NR3C2: variants seen among roughly 807,000 people sequenced by gnomAD.
NR3C2 encodes the protein mineralocorticoid receptor.
A neutral mutation model predicts 86.4 loss-of-function variants in NR3C2; 15 were observed. The ratio of observed to expected loss-of-function variants is 0.17; its 90% CI spans 0.12 to 0.27. The LOEUF (loss-of-function observed/expected upper bound fraction) is 0.27. Among genes scored for constraint, NR3C2 ranks in the 10% least tolerant of loss-of-function variants. The probability of loss-of-function intolerance (pLI) is 1.00; values close to 1 mark genes in which losing one functional copy is unlikely to be tolerated. For synonymous variants in NR3C2, 458 were observed against 450.5 expected (o/e 1.02, Z -0.21); for missense variants, 960 against 1,195.6 (o/e 0.80, Z 2.91).
rs957505784 is a variant in NR3C2 at position 148,405,985 on chromosome 4, G to C, written c.1757+29119C>G. Among the ~76,000 whole-genome samples the C allele has an allele frequency of 3.3e-5, 5 of 152,090 alleles. No individual in the cohort carries two copies. The East Asian group carries it at 5.8e-4, about 18-fold the overall frequency. On this transcript the variant is annotated intron_variant, in intron 2 of 8. Transcript: ENST00000358102. Reference sequence around the variant, plus strand: ...ACAGCATGACTCTGTCTCTGCAAAGGGTTTTGGGTTTTTAAAAAAAAATTT... The same window carrying C: ...ACAGCATGACTCTGTCTCTGCAAAGCGTTTTGGGTTTTTAAAAAAAAATTT...
chr4:148,309,371 C>T (rs1420009955), intron 2 of NR3C2, among the ~76,000 whole-genome samples: 1 of 152,092 alleles, frequency 6.6e-6, no homozygotes, highest in Admixed American at 6.6e-5. Context: ...AAATAACCCA[C>T]CATCTAGTAA....
chr4:148,223,708 A>T lies in NR3C2; in HGVS notation c.1898-28846T>A, dbSNP rs141574861. On this transcript the variant is annotated intron_variant, in intron 3 of 8. Coordinates refer to ENST00000358102, the MANE Select transcript of NR3C2 (RefSeq NM_000901.5). ...GGTAGAGCAGAGATATTTTGAATGA[A>T]GCATTAATAAGACTCAGAGGCTGAT... 9.0e-3 allele frequency among the ~76,000 whole-genome samples: 1,375 copies of T among 152,326 alleles called. 25 individuals carry two copies. The highest frequency in any genetic ancestry group is 0.034 in the Admixed American group (515 of 15,282).
chr4:148,434,750 A>G (rs1560734162), intron 2 of NR3C2, among the ~76,000 whole-genome samples: 1 of 152,326 alleles, frequency 6.6e-6, no homozygotes. Context: ...GTAAACCGGC[A>G]AACAGCTAAA....
At chr4:148,294,155 C>T (rs1402117397) in intron 2 of NR3C2, among the ~76,000 whole-genome samples, 4 of 152,170 alleles carry the variant, frequency 2.6e-5, no homozygotes, top group Non-Finnish European at 5.9e-5. Flanking sequence ...ATTTTTTCCA[C>T]TTAGCAATAC....
At chr4:148,285,979 A>G (rs1741501024) in intron 2 of NR3C2, among the ~76,000 whole-genome samples, 1 of 152,258 alleles carries the variant, frequency 6.6e-6, no homozygotes, top group Non-Finnish European at 1.5e-5. Flanking sequence ...TGATTTTGCA[A>G]TATGTGTTTA....
In NR3C2 at chr4:148,081,885, GC is replaced by G. The variant is rs549007538; in HGVS notation, c.2800-387del. Among the ~76,000 whole-genome samples, 145 of 152,342 alleles carry G rather than the reference GC, an allele frequency of 9.5e-4. 3 individuals are homozygous for G. In the South Asian group the frequency reaches 0.029, roughly 30 times the overall value. ...GGGGCCTTCCCAGGGTGTAAGGTGG[GC>G]TGGTGGGAAGGGGCAAGTGCTGGCC... On this transcript the variant is annotated intron_variant, in intron 8 of 8. Transcript: ENST00000358102.
intron 2 of NR3C2, among the ~76,000 whole-genome samples, chr4:148,414,026 T>C (rs1162240569): frequency 1.3e-5 from 2 of 152,198 alleles, no homozygotes; most frequent in Non-Finnish European, 1.5e-5. Flanking sequence ...GCACTACTTT[T>C]ATCAGCAATA....
intron 1 of NR3C2, among the ~76,000 whole-genome samples, chr4:148,439,251 T>C (rs536792572): frequency 1.3e-5 from 2 of 152,334 alleles, no homozygotes; most frequent in South Asian, 4.1e-4. Flanking sequence ...TAAGAATATT[T>C]TGTCTTCCCC....
chr4:148,114,096 C>T lies in NR3C2; in HGVS notation c.2799+8G>A. ...TTCACTTAGGAACCAAGGAGGGGCT[C>T]TACTCACGTCATGCATGGAGTCCAG... On this transcript the variant is annotated splice_region_variant and intron_variant, in intron 8 of 8. Coordinates refer to ENST00000358102, the MANE Select transcript of NR3C2 (RefSeq NM_000901.5). 6.2e-7 allele frequency: 1 copy of T among 1,612,732 alleles called. No individual in the cohort carries two copies. The highest frequency in any genetic ancestry group is 8.5e-7 in the Non-Finnish European group (1 of 1,179,724).
intron 2 of NR3C2, among the ~76,000 whole-genome samples, chr4:148,336,739 T>A (rs1744509055): frequency 6.6e-6 from 1 of 152,196 alleles, no homozygotes; most frequent in Non-Finnish European, 1.5e-5. Flanking sequence ...GAATCATATG[T>A]ATTACCTAAT....
chr4:148,281,729 T>C (rs765638045), intron 2 of NR3C2, among the ~76,000 whole-genome samples: 11 of 152,236 alleles, frequency 7.2e-5, no homozygotes, highest in Admixed American at 2.6e-4. Flanking sequence ...CTAGCAAACA[T>C]CTGTGTTATG....
At chr4:148,234,047 A>G (rs931916030) in intron 3 of NR3C2, among the ~76,000 whole-genome samples, 2 of 152,200 alleles carry the variant, frequency 1.3e-5, no homozygotes, top group African/African-American at 4.8e-5. Flanking sequence ...AGGTATGCCT[A>G]TATCTAAAGA....
chr4:148,199,940 T>C (rs1450707742), intron 3 of NR3C2, among the ~76,000 whole-genome samples: 1 of 152,178 alleles, frequency 6.6e-6, no homozygotes, highest in Admixed American at 6.5e-5. Context: ...GAAGGGACCA[T>C]ATTGGAGTTG....
chr4:148,408,037 A>G (rs1355698612), intron 2 of NR3C2, among the ~76,000 whole-genome samples: 2 of 152,158 alleles, frequency 1.3e-5, no homozygotes, highest in Non-Finnish European at 2.9e-5. Context: ...CCCTTAGAAG[A>G]GCACTCCCTC....
At chr4:148,154,275 T>C (rs78247015) in intron 5 of NR3C2, among the ~76,000 whole-genome samples, 5,635 of 152,232 alleles carry the variant, frequency 0.037, 360 homozygotes, top group African/African-American at 0.13. Context: ...CCACCTGCCT[T>C]GGCCTCCCAA....
chr4:148,287,541 T>C (rs1361170253), intron 2 of NR3C2, among the ~76,000 whole-genome samples: 12 of 152,220 alleles, frequency 7.9e-5, no homozygotes, highest in Non-Finnish European at 1.8e-4. Flanking sequence ...TGATTTGGAA[T>C]TGCCAACTTA....
At chr4:148,220,568 C>G (rs1004389543) in intron 3 of NR3C2, among the ~76,000 whole-genome samples, 1 of 152,088 alleles carries the variant, frequency 6.6e-6, no homozygotes, top group Non-Finnish European at 1.5e-5. Flanking sequence ...CGCTTTGAGA[C>G]GCCAAGGTGG....
At chr4:148,370,705 C>T (rs1264316734) in intron 2 of NR3C2, among the ~76,000 whole-genome samples, 2 of 152,106 alleles carry the variant, frequency 1.3e-5, no homozygotes, top group Non-Finnish European at 1.5e-5. Context: ...GCACATGACA[C>T]TCCCATAGTC....
chr4:148,235,192 T>C (rs1473926026), intron 3 of NR3C2, among the ~76,000 whole-genome samples: 1 of 151,458 alleles, frequency 6.6e-6, no homozygotes, highest in Non-Finnish European at 1.5e-5. Flanking sequence ...AAGATCTTCA[T>C]GAGATGATAC....
Sources: allele counts gnomAD v4.1 joint callset (sites outside exome capture counted in the v4.1 genomes callset), GRCh38; gene constraint gnomAD v4.1.1; transcripts MANE v1.5; gene names NCBI Gene and HGNC (gene_info 2026-07-23, HGNC 2026-07-21).